The following ATP8B1 variants were observed in gnomAD, a reference collection of about 807,000 sequenced individuals.
ATP8B1 encodes the protein phospholipid-transporting ATPase IC.
ATP8B1 carries 80 observed loss-of-function variants against 149.9 expected under a neutral mutation model. The ratio of observed to expected loss-of-function variants is 0.53; its 90% confidence interval spans 0.45 to 0.64. The LOEUF (loss-of-function observed/expected upper bound fraction) is 0.64, where lower values mean the gene tolerates loss of function less well. Among genes scored for constraint, ATP8B1 ranks in the 30% least tolerant of loss-of-function variants. ATP8B1 has a pLI of 0.00. For missense variants in ATP8B1, 1,247 were observed against 1,552.6 expected, an observed-to-expected ratio of 0.80 and a Z score of 3.31; for synonymous variants, 536 against 562.8, an observed-to-expected ratio of 0.95 and a Z score of 0.67.
Position 57,671,515 on chromosome 18 carries a change from A to G in ATP8B1, c.1885T>C (p.Leu629=). The change falls in exon 17 of 28, where the codon TTA becomes CTA. Residue 629 remains leucine (L), a synonymous_variant. Transcript: ENST00000648908. ...KGADTVIYER[L]HRMNPTKQET... ...TGCTTAGTAGGATTCATTCGATGTA[A>G]CCGTTCATAAATAACAGTGTCAGCA... The G allele has an allele frequency of 6.2e-7, 1 of 1,614,134 alleles. No homozygotes were observed. The highest frequency in any genetic ancestry group is 8.5e-7 in the Non-Finnish European group (1 of 1,179,986).
intron 20 of ATP8B1, 70 bp downstream of exon 20, chr18:57,667,022 C>T: frequency 7.2e-7 from 1 of 1,387,220 alleles, no homozygotes; most frequent in Non-Finnish European, 1.0e-6. Context: ...TATCTGCTAT[C>T]TTCTACAGAC....
intron 11 of ATP8B1, among the ~76,000 whole-genome samples, chr18:57,694,069 G>C (rs1423208763): frequency 6.6e-6 from 1 of 152,192 alleles, no homozygotes; most frequent in African/African-American, 2.4e-5. Context: ...ATACGACTAT[G>C]TGCTGAGGCC....
Position 57,782,803 on chromosome 18 carries a change from CTTTTTTTT to C in ATP8B1, c.-26+20187_-26+20194del, listed in dbSNP as rs79009229. Among the ~76,000 whole-genome samples, 131 of 91,156 alleles carry C rather than the reference CTTTTTTTT, an allele frequency of 1.4e-3. 1 individual carries two copies. The highest frequency in any genetic ancestry group is 2.0e-3 in the Non-Finnish European group (108 of 53,500). The allele number at this position is 91,156 out of a possible 152,430, so 59.8% of individuals were successfully genotyped here. A position where few individuals can be genotyped will look rare whatever the true frequency, so the allele number is the denominator to read the frequency against. ...GGCTCAGATTAATTCTAGTTTGTCT[CTTTTTTTT>C]TTTTTTTTTTTTTTTTTTTGAGACA... is the stretch of plus-strand genomic sequence containing the variant. On this transcript the variant is annotated intron_variant, in intron 1 of 27. Transcript: ENST00000648908.
Position 57,706,468 on chromosome 18 carries a change from A to G in ATP8B1, c.279+22T>C, listed in dbSNP as rs1460323860. 1.9e-6 allele frequency: 3 copies of G among 1,601,074 alleles called. No individual in the cohort carries two copies. The East Asian group carries it at 6.7e-5, about 36-fold the overall frequency. Reference sequence around the variant, plus strand: ...AAAAAACTGCATTTTAATGAAAACAATTCAGAAAGTTAACAACTCACCGCA... The same window carrying G: ...AAAAAACTGCATTTTAATGAAAACAGTTCAGAAAGTTAACAACTCACCGCA... On this transcript the variant is annotated intron_variant, in intron 3 of 27. Transcript: ENST00000648908.
At chr18:57,693,812 T>G (rs1912665410) in intron 11 of ATP8B1, among the ~76,000 whole-genome samples, 1 of 152,058 alleles carries the variant, frequency 6.6e-6, no homozygotes, top group South Asian at 2.1e-4. Context: ...GAGTCTAGAG[T>G]TTTTTTGTTA....
At chr18:57,712,546 G>C (rs1599143303) in intron 2 of ATP8B1, among the ~76,000 whole-genome samples, 1 of 152,074 alleles carries the variant, frequency 6.6e-6, no homozygotes, top group East Asian at 1.9e-4. Flanking sequence ...AGTGCCCTGG[G>C]GCTCTAAATA....
intron 15 of ATP8B1, among the ~76,000 whole-genome samples, chr18:57,681,293 A>G (rs1338078826): frequency 1.3e-5 from 2 of 152,162 alleles, no homozygotes; most frequent in Non-Finnish European, 2.9e-5. Flanking sequence ...CAGTTCTACA[A>G]CCACAGAGAA....
At chr18:57,648,902 CTT>C (rs956440325) in intron 27 of ATP8B1, among the ~76,000 whole-genome samples, 190 bp from the exon 28 acceptor site, 2 of 53,678 alleles carry the variant, frequency 3.7e-5, no homozygotes, top group African/African-American at 2.0e-4. Context: ...GTGTCTATAT[CTT>C]TTTTTTTGTT....
chr18:57,756,210 TACACACACACAC>T (rs573321061), intron 1 of ATP8B1, among the ~76,000 whole-genome samples: 1 of 109,044 alleles, frequency 9.2e-6, no homozygotes, highest in African/African-American at 4.0e-5. Flanking sequence ...TATATATATA[TACACACACACAC>T]ACACACACAC....
chr18:57,731,941 G>T, intron 1 of ATP8B1, 109 bp from the exon 2 acceptor site: 1 of 1,055,042 alleles, frequency 9.5e-7, no homozygotes, highest in Non-Finnish European at 1.5e-6. Context: ...TGTCTAACAT[G>T]TAAATATTCT....
At chr18:57,716,846 T>C (rs2079587598) in intron 2 of ATP8B1, among the ~76,000 whole-genome samples, 1 of 152,204 alleles carries the variant, frequency 6.6e-6, no homozygotes, top group Non-Finnish European at 1.5e-5. Flanking sequence ...TTATAAAATA[T>C]TTCATACAAC....
Position 57,706,500 on chromosome 18 carries a change from C to T in ATP8B1, c.269G>A (p.Ser90Asn), listed in dbSNP as rs755110678. Residue 90 changes from serine (S) to asparagine (N), a missense_variant, in exon 3 of 28, where the codon AGT becomes AAT. Coordinates refer to ENST00000648908, the MANE Select transcript of ATP8B1 (RefSeq NM_001374385.1). Reference protein sequence around the residue: ...MNTKFLCIKESKYANNAIKTY... With the variant: ...MNTKFLCIKENKYANNAIKTY... ...AAGTTAACAACTCACCGCATATTTA[C>T]TCTCCTTAATACACAAGAATTTTGT... 1 of 1,613,414 alleles carries T rather than the reference C, an allele frequency of 6.2e-7. No homozygotes were observed. The highest frequency in any genetic ancestry group is 8.5e-7 in the Non-Finnish European group (1 of 1,179,412).
At chr18:57,685,520 T>A (rs1376838098) in intron 13 of ATP8B1, among the ~76,000 whole-genome samples, 1 of 152,178 alleles carries the variant, frequency 6.6e-6, no homozygotes, top group East Asian at 1.9e-4. Flanking sequence ...ACAATTGTGC[T>A]ATTAAGTATA....
rs374349183 is a variant in ATP8B1, at chr18:57,763,456, C to T, written c.-25-31624G>A. Among the ~76,000 whole-genome samples the T allele has an allele frequency of 2.1e-3, 315 of 152,058 alleles. 1 individual carries two copies. The highest frequency in any genetic ancestry group is 6.8e-3 in the Middle Eastern group (2 of 294). On this transcript the variant is annotated intron_variant, in intron 1 of 27. Coordinates refer to ENST00000648908, the MANE Select transcript of ATP8B1 (RefSeq NM_001374385.1). ...CTGTTTCCACAAATTGTATCAGAAA[C>T]GAGAGGTAACATTTCAACATTTAAG...
chr18:57,740,183 T>A (rs1270755041), intron 1 of ATP8B1, among the ~76,000 whole-genome samples: 1 of 151,994 alleles, frequency 6.6e-6, no homozygotes, highest in Admixed American at 6.6e-5. Context: ...CTTCGTCTCC[T>A]GGGTTAAAGC....
intron 8 of ATP8B1, among the ~76,000 whole-genome samples, chr18:57,696,186 T>C (rs945381083): frequency 7.2e-5 from 11 of 152,220 alleles, no homozygotes; most frequent in African/African-American, 2.4e-4. Context: ...CATTCTGTTC[T>C]GGCAGGGCAT....
intron 15 of ATP8B1, among the ~76,000 whole-genome samples, chr18:57,675,540 T>C (rs1486105600): frequency 1.3e-5 from 2 of 152,190 alleles, no homozygotes; most frequent in Non-Finnish European, 1.5e-5. Context: ...AATAACCCTT[T>C]TGTATGTGTG....
chr18:57,774,544 T>C (rs1295968736), intron 1 of ATP8B1, among the ~76,000 whole-genome samples: 2 of 152,146 alleles, frequency 1.3e-5, no homozygotes, highest in Non-Finnish European at 2.9e-5. Context: ...TGCAGTGAGC[T>C]GAGATTGTGC....
intron 11 of ATP8B1, among the ~76,000 whole-genome samples, chr18:57,694,006 G>A (rs190445490): frequency 2.0e-5 from 3 of 152,278 alleles, no homozygotes; most frequent in East Asian, 1.9e-4. Flanking sequence ...TGCTCCATGA[G>A]TCTTTGGTGA....
Sources: allele counts gnomAD v4.1 joint callset (sites outside exome capture counted in the v4.1 genomes callset), GRCh38; gene constraint gnomAD v4.1.1; transcripts MANE v1.5; gene names NCBI Gene and HGNC (gene_info 2026-07-23, HGNC 2026-07-21).